Variants in DLG2 observed in about 807,000 individuals in gnomAD.
DLG2 encodes the protein disks large homolog 2.
DLG2 carries 45 observed loss-of-function variants against 132.5 expected under a neutral mutation model. That is an observed-to-expected ratio of 0.34 (90% CI 0.27 to 0.44). DLG2 has a LOEUF of 0.44. DLG2 is among the 20% of genes least tolerant of loss of function. The probability of loss-of-function intolerance (pLI) is 1.00; values close to 1 mark genes in which losing one functional copy is unlikely to be tolerated. For missense variants in DLG2, 1,045 were observed against 1,196.9 expected (o/e 0.87, Z 1.87); for synonymous variants, 424 against 419.6 (o/e 1.01, Z -0.13).
At chr11:84,123,914 G>C (rs1357050408) in intron 9 of DLG2, among the ~76,000 whole-genome samples, 1 of 152,256 alleles carries the variant, frequency 6.6e-6, no homozygotes, top group East Asian at 1.9e-4. Context: ...ATTATTTTTA[G>C]AATGTATTCT....
chr11:84,434,854 G>A (rs1352865113), intron 7 of DLG2, among the ~76,000 whole-genome samples: 3 of 147,346 alleles, frequency 2.0e-5, no homozygotes, highest in Non-Finnish European at 4.5e-5. Flanking sequence ...TAAAATAGAA[G>A]TGAAGGGCTA....
intron 16 of DLG2, among the ~76,000 whole-genome samples, chr11:83,874,164 T>C (rs77045644): frequency 1.5e-5 from 1 of 66,162 alleles, no homozygotes. Context: ...GAAAGAAAGA[T>C]AGAAAGAGAA....
intron 7 of DLG2, among the ~76,000 whole-genome samples, chr11:84,289,407 A>G (rs2154374777): frequency 6.6e-6 from 1 of 152,224 alleles, no homozygotes; most frequent in South Asian, 2.1e-4. Flanking sequence ...ATTTCATTGT[A>G]GCACTGACAG....
At chr11:85,507,503 G>A (rs2153146443) in intron 3 of DLG2, among the ~76,000 whole-genome samples, 1 of 152,298 alleles carries the variant, frequency 6.6e-6, no homozygotes, top group African/African-American at 2.4e-5. Flanking sequence ...ATTCTGGATT[G>A]AAAATTATTT....
chr11:84,906,457 G>A (rs1037704956), intron 6 of DLG2, among the ~76,000 whole-genome samples: 2 of 151,078 alleles, frequency 1.3e-5, no homozygotes, highest in African/African-American at 4.9e-5. Context: ...TTAAGTCAGG[G>A]AAGACGGGAT....
chr11:84,746,131 C>A (rs1048748481), intron 6 of DLG2, among the ~76,000 whole-genome samples: 1 of 151,314 alleles, frequency 6.6e-6, no homozygotes, highest in African/African-American at 2.4e-5. Flanking sequence ...ATTATAACAA[C>A]ATATTTTGAC....
At chr11:85,102,865 A>T (rs971394997) in intron 6 of DLG2, among the ~76,000 whole-genome samples, 2 of 152,002 alleles carry the variant, frequency 1.3e-5, no homozygotes, top group African/African-American at 4.8e-5. Flanking sequence ...AGTCTCGTAC[A>T]GTATCTAGAA....
intron 17 of DLG2, among the ~76,000 whole-genome samples, chr11:83,806,720 G>A (rs2046001364): frequency 2.0e-5 from 3 of 152,228 alleles, no homozygotes; most frequent in African/African-American, 7.2e-5. Flanking sequence ...ACAGCTTTAC[G>A]TGCTTGATGA....
intron 3 of DLG2, among the ~76,000 whole-genome samples, chr11:85,377,511 T>A: frequency 6.6e-6 from 1 of 152,094 alleles, no homozygotes; most frequent in East Asian, 1.9e-4. Flanking sequence ...CCAGCCCTGT[T>A]AAATAAAATA....
At chr11:83,563,803 G>C (rs1317165723) in intron 19 of DLG2, among the ~76,000 whole-genome samples, 3 of 152,186 alleles carry the variant, frequency 2.0e-5, no homozygotes, top group Non-Finnish European at 4.4e-5. Context: ...AGGACTAAAT[G>C]AAACTGTATT....
intron 3 of DLG2, among the ~76,000 whole-genome samples, chr11:85,314,467 A>G (rs1432137395): frequency 1.3e-5 from 2 of 151,832 alleles, no homozygotes; most frequent in African/African-American, 2.4e-5. Flanking sequence ...ACAAACATAC[A>G]TATATATTAT....
chr11:84,027,970 A>G (rs963475992), intron 11 of DLG2, among the ~76,000 whole-genome samples: 2 of 152,036 alleles, frequency 1.3e-5, no homozygotes, highest in African/African-American at 4.8e-5. Context: ...ACCAGTGACA[A>G]CATTCTGATT....
chr11:85,528,145 T>A (rs56321405), intron 3 of DLG2, among the ~76,000 whole-genome samples: 25,136 of 152,220 alleles, frequency 0.17, 2,312 homozygotes, highest in East Asian at 0.28. Context: ...GCCTGTTCAC[T>A]TTCATGACAG....
chr11:85,538,031 G>T (rs574259111), intron 3 of DLG2, among the ~76,000 whole-genome samples: 1 of 152,030 alleles, frequency 6.6e-6, no homozygotes, highest in Admixed American at 6.5e-5. Flanking sequence ...CAGGAGAATG[G>T]CGTGAACCCA....
At chr11:84,494,653 G>C (rs1290812995) in intron 7 of DLG2, among the ~76,000 whole-genome samples, 1 of 152,186 alleles carries the variant, frequency 6.6e-6, no homozygotes, top group African/African-American at 2.4e-5. Context: ...AAGAGGACCA[G>C]AGGAAAGCAT....
intron 8 of DLG2, among the ~76,000 whole-genome samples, chr11:84,182,643 T>A (rs2096168027): frequency 6.6e-6 from 1 of 152,140 alleles, no homozygotes; most frequent in Non-Finnish European, 1.5e-5. Flanking sequence ...TGAATGTATA[T>A]AAATGAAGAA....
chr11:84,012,440 T>A (rs1211557295), intron 11 of DLG2, among the ~76,000 whole-genome samples: 1 of 152,186 alleles, frequency 6.6e-6, no homozygotes, highest in Non-Finnish European at 1.5e-5. Flanking sequence ...CCACTGACCT[T>A]GACCACTGTT....
intron 21 of DLG2, among the ~76,000 whole-genome samples, chr11:83,522,461 C>A (rs1200761499): frequency 6.6e-6 from 1 of 152,034 alleles, no homozygotes; most frequent in Non-Finnish European, 1.5e-5. Context: ...GGAAGTAACA[C>A]TCAGATCAAG....
chr11:83,576,288 A>G (rs1305885134), intron 19 of DLG2, among the ~76,000 whole-genome samples: 1 of 152,192 alleles, frequency 6.6e-6, no homozygotes, highest in Non-Finnish European at 1.5e-5. Flanking sequence ...GACACCCTCA[A>G]GTAGACTAAT....
Sources: allele counts gnomAD v4.1 joint callset (sites outside exome capture counted in the v4.1 genomes callset), GRCh38; gene constraint gnomAD v4.1.1; transcripts MANE v1.5; gene names NCBI Gene and HGNC (gene_info 2026-07-23, HGNC 2026-07-21).